Variants in MIB1 observed in about 807,000 individuals in gnomAD.
The protein encoded by MIB1 is MIB E3 ubiquitin protein ligase 1.
A neutral mutation model predicts 124.5 loss-of-function variants in MIB1; 278 were observed. The ratio of observed to expected loss-of-function variants is 2.23; its 90% CI spans 2.02 to 2.47. The LOEUF is 2.47. MIB1 is among the 30% of genes most tolerant of loss of function. MIB1 has a pLI of 0.00. For synonymous variants in MIB1, 446 were observed against 429.4 expected (o/e 1.04, Z -0.48); for missense variants, 957 against 1,254.4 (o/e 0.76, Z 3.58).
At chr18:21,825,575 C>T (rs748280324) in intron 12 of MIB1, 2 of 415,032 alleles carry the variant, frequency 4.8e-6, no homozygotes, top group Non-Finnish European at 9.8e-6. Context: ...CTAGCTTTTC[C>T]AGGTAGAATT....
At chr18:21,845,500 AT>A in intron 15 of MIB1, among the ~76,000 whole-genome samples, 1 of 152,224 alleles carries the variant, frequency 6.6e-6, no homozygotes, top group Middle Eastern at 3.4e-3. Context: ...TTTAGCTGTT[AT>A]GTTTAGGTCT....
chr18:21,725,666 A>G (rs1256763494), intron 1 of MIB1, among the ~76,000 whole-genome samples: 1 of 152,196 alleles, frequency 6.6e-6, no homozygotes, highest in Non-Finnish European at 1.5e-5. Flanking sequence ...GGACAAACAT[A>G]AAGTAAATAA....
chr18:21,868,094 A>T lies in MIB1; in HGVS notation c.*3428A>T, dbSNP rs1016267051. On this transcript the variant is annotated 3_prime_UTR_variant, in exon 21 of 21. Transcript: ENST00000261537. ...AGTAATAATTTGTGTAAAAAATTGA[A>T]TTTTTGAATAGTTTTTTGTATTTTT... 6.6e-6 allele frequency: 1 copy of T among 152,046 alleles called. No individual in the cohort carries two copies. The highest frequency in any genetic ancestry group is 1.5e-5 in the Non-Finnish European group (1 of 67,928). The allele number at this position is 152,046 out of a possible 1,614,324, so 9.4% of individuals were successfully genotyped here. A position where few individuals can be genotyped will look rare whatever the true frequency, so the allele number is the denominator to read the frequency against.
chr18:21,860,098 CTTTT>C (rs398032096), intron 20 of MIB1, among the ~76,000 whole-genome samples: 34 of 26,460 alleles, frequency 1.3e-3, no homozygotes, highest in South Asian at 6.0e-3. Flanking sequence ...TTCTTTATGT[CTTTT>C]TTTTTTTTTT....
intron 10 of MIB1, among the ~76,000 whole-genome samples, chr18:21,815,323 C>A (rs935566943): frequency 4.0e-5 from 6 of 151,682 alleles, no homozygotes; most frequent in African/African-American, 1.2e-4. Context: ...TGGGTGCCAC[C>A]ATGCCTGGCT....
intron 1 of MIB1, among the ~76,000 whole-genome samples, chr18:21,726,630 G>A (rs568399790): frequency 6.6e-6 from 1 of 152,278 alleles, no homozygotes; most frequent in Non-Finnish European, 1.5e-5. Flanking sequence ...CTGGCTCTAA[G>A]ACTTGCCTAT....
At chr18:21,711,586 C>A (rs2040665755) in intron 1 of MIB1, among the ~76,000 whole-genome samples, 1 of 151,858 alleles carries the variant, frequency 6.6e-6, no homozygotes, top group Admixed American at 6.6e-5. Flanking sequence ...CCCAGCCAGA[C>A]CCTATCTTTT....
In MIB1 at chr18:21,815,056, TAA is replaced by T. The variant is rs61390661; in HGVS notation, c.1480-557_1480-556del. 3.1e-4 allele frequency among the ~76,000 whole-genome samples: 35 copies of T among 114,248 alleles called. No homozygotes were observed. The South Asian group carries it at 4.9e-3, about 16-fold the overall frequency. 75.0% of individuals were successfully genotyped at this position (114,248 alleles called of 152,430 possible). A position where few individuals can be genotyped will look rare whatever the true frequency, so the allele number is the denominator to read the frequency against. On this transcript the variant is annotated intron_variant, in intron 10 of 20. Coordinates refer to ENST00000261537, the MANE Select transcript of MIB1 (RefSeq NM_020774.4). ...ATATATATATATATATATATATATA[TAA>T]AATTATATATAAATGTATATATATA...
chr18:21,804,016 T>G lies in MIB1; in HGVS notation c.1479+2T>G, dbSNP rs764711381. ...CAAAACGTGGATGTCGAAGCAGAGG[T>G]AAGTAAACTTGAAAAATATTTTAAG... On this transcript the variant is annotated splice_donor_variant, in intron 10 of 20. Coordinates refer to ENST00000261537, the MANE Select transcript of MIB1 (RefSeq NM_020774.4). LOFTEE classifies it high-confidence loss of function. 5.0e-6 allele frequency: 8 copies of G among 1,597,804 alleles called. No homozygotes were observed. Among genetic ancestry groups the G allele is most frequent in the Non-Finnish European group, 6.9e-6 (8 of 1,165,752 alleles).
At chr18:21,851,291 A>G (rs1378099611) in intron 17 of MIB1, among the ~76,000 whole-genome samples, 1 of 152,162 alleles carries the variant, frequency 6.6e-6, no homozygotes, top group Non-Finnish European at 1.5e-5. Context: ...TAGTTGATGG[A>G]ACAGAGGAGA....
chr18:21,753,307 G>A, intron 1 of MIB1, among the ~76,000 whole-genome samples: 1 of 151,764 alleles, frequency 6.6e-6, no homozygotes, highest in Non-Finnish European at 1.5e-5. Flanking sequence ...TCCTGCCGCA[G>A]CCTCCTAAGT....
upstream of MIB1, among the ~76,000 whole-genome samples, chr18:21,736,014 G>C (rs1036270971): frequency 1.1e-4 from 16 of 152,224 alleles, no homozygotes; most frequent in Middle Eastern, 3.2e-3. Context: ...CCAGCACAGC[G>C]TTCGAGCTCT....
chr18:21,847,485 T>C (rs2042145205), intron 16 of MIB1, among the ~76,000 whole-genome samples: 1 of 152,220 alleles, frequency 6.6e-6, no homozygotes, highest in Admixed American at 6.5e-5. Flanking sequence ...AAATTGTATT[T>C]ATTTTTTATT....
At chr18:21,765,168 AT>A (rs1410947187) in intron 1 of MIB1, among the ~76,000 whole-genome samples, 1 of 151,998 alleles carries the variant, frequency 6.6e-6, no homozygotes, top group Non-Finnish European at 1.5e-5. Flanking sequence ...CCAAGTGTTT[AT>A]TTTTTCTAGA....
At chr18:21,736,843 G>C (rs2040798730), upstream of MIB1, among the ~76,000 whole-genome samples, 1 of 152,128 alleles carries the variant, frequency 6.6e-6, no homozygotes, top group Admixed American at 6.6e-5. Flanking sequence ...AAAGAACAAA[G>C]CCTCCAAGAA....
intron 6 of MIB1, among the ~76,000 whole-genome samples, chr18:21,781,212 G>A (rs4340414): frequency 0.47 from 71,212 of 150,788 alleles, 20,646 homozygotes; most frequent in African/African-American, 0.83. Context: ...CGACTGGCCA[G>A]TAAAAGCAAC....
chr18:21,795,753 A>G (rs984292717), intron 7 of MIB1, among the ~76,000 whole-genome samples: 2 of 152,172 alleles, frequency 1.3e-5, no homozygotes, highest in Admixed American at 1.3e-4. Flanking sequence ...ATTTTTCTTT[A>G]TATCTTCATA....
At chr18:21,835,084 T>C (rs930969892) in intron 12 of MIB1, among the ~76,000 whole-genome samples, 16 of 152,218 alleles carry the variant, frequency 1.1e-4, no homozygotes, top group African/African-American at 3.6e-4. Flanking sequence ...ATCTGCAGTG[T>C]TTCTCCACAG....
intron 1 of MIB1, among the ~76,000 whole-genome samples, chr18:21,733,574 G>A (rs1417853730): frequency 6.6e-6 from 1 of 152,148 alleles, no homozygotes; most frequent in African/African-American, 2.4e-5. Flanking sequence ...GGCTGGTATT[G>A]CCTATTTTTG....
Sources: gnomAD v4.1 joint callset for allele counts (sites outside exome capture counted in the v4.1 genomes callset) on GRCh38, gnomAD v4.1.1 for gene constraint, MANE v1.5 for transcripts, NCBI Gene and HGNC (gene_info 2026-07-23, HGNC 2026-07-21) for gene names.